The following NTNG1 variants were observed in gnomAD, a reference collection of about 807,000 sequenced individuals.
NTNG1 encodes the protein netrin G1.
NTNG1 carries 16 observed loss-of-function variants against 54.0 expected under a neutral mutation model. The ratio of observed to expected loss-of-function variants is 0.30; its 90% CI spans 0.20 to 0.45. The LOEUF (loss-of-function observed/expected upper bound fraction) is 0.45. Among genes scored for constraint, NTNG1 ranks in the 20% least tolerant of loss-of-function variants. The pLI is 1.00. For synonymous variants in NTNG1, 255 were observed against 263.1 expected, an observed-to-expected ratio of 0.97 and a Z score of 0.30; for missense variants, 530 against 678.7, an observed-to-expected ratio of 0.78 and a Z score of 2.43.
chr1:107,412,497 A>G (rs1319552632), intron 5 of NTNG1, among the ~76,000 whole-genome samples: 1 of 152,222 alleles, frequency 6.6e-6, no homozygotes, highest in Non-Finnish European at 1.5e-5. Context: ...CATTATACCA[A>G]GTGGAAGAGA....
chr1:107,141,093 C>G lies in NTNG1; in HGVS notation c.-573C>G, dbSNP rs72979530. ...GAATTCCCCCTCTGGGTGCGGGCTC[C>G]GAGAGGGGGCGACTTGCAGGAGGCT... On this transcript the variant is annotated 5_prime_UTR_variant, in exon 1 of 8. Transcript: ENST00000370068. The G allele has an allele frequency of 1.3e-5, 2 of 152,414 alleles. No homozygotes were observed. The highest frequency in any genetic ancestry group is 1.3e-4 in the Admixed American group (2 of 15,266). The allele number at this position is 152,414 out of a possible 1,614,324, so 9.4% of individuals were successfully genotyped here.
At chr1:107,465,614 C>G (rs543359656) in intron 7 of NTNG1, among the ~76,000 whole-genome samples, 1 of 152,184 alleles carries the variant, frequency 6.6e-6, no homozygotes, top group South Asian at 2.1e-4. Context: ...TGGGGGTTGT[C>G]CATGAGCAAG....
intron 2 of NTNG1, among the ~76,000 whole-genome samples, chr1:107,266,337 C>T (rs1663735586): frequency 6.6e-6 from 1 of 152,078 alleles, no homozygotes; most frequent in African/African-American, 2.4e-5. Flanking sequence ...GTTCTGCGGG[C>T]TGTACAGGAA....
At chr1:107,234,887 G>C (rs1368221200) in intron 2 of NTNG1, among the ~76,000 whole-genome samples, 1 of 152,132 alleles carries the variant, frequency 6.6e-6, no homozygotes, top group Non-Finnish European at 1.5e-5. Context: ...ATGGAACAAG[G>C]GGACAGGATA....
At chr1:107,322,523 C>A (rs938794252) in intron 2 of NTNG1, among the ~76,000 whole-genome samples, 4 of 152,030 alleles carry the variant, frequency 2.6e-5, no homozygotes, top group Non-Finnish European at 5.9e-5. Flanking sequence ...CTGACAGATT[C>A]CACAATATTT....
chr1:107,420,717 C>G (rs559487380), intron 5 of NTNG1, among the ~76,000 whole-genome samples: 5 of 152,072 alleles, frequency 3.3e-5, no homozygotes, highest in African/African-American at 1.2e-4. Context: ...CACAGAATGT[C>G]ATGGTGAACC....
At chr1:107,462,902 T>G (rs1242191344) in intron 7 of NTNG1, among the ~76,000 whole-genome samples, 1 of 152,186 alleles carries the variant, frequency 6.6e-6, no homozygotes, top group East Asian at 1.9e-4. Flanking sequence ...GTCACTTGAT[T>G]TGCCAACGCC....
At chr1:107,230,234 A>C (rs563676034) in intron 2 of NTNG1, among the ~76,000 whole-genome samples, 11 of 152,176 alleles carry the variant, frequency 7.2e-5, no homozygotes, top group Admixed American at 2.0e-4. Flanking sequence ...ATATCACAAG[A>C]AATTTTTACT....
intron 2 of NTNG1, among the ~76,000 whole-genome samples, chr1:107,203,253 C>G (rs1220805260): frequency 6.6e-6 from 1 of 151,130 alleles, no homozygotes; most frequent in African/African-American, 2.4e-5. Flanking sequence ...GATGCACATT[C>G]CTTAATAGTT....
chr1:107,324,435 A>G lies in NTNG1; in HGVS notation c.400A>G (p.Ile134Val), dbSNP rs778565104. Residue 134 changes from isoleucine (I) to valine (V), a missense_variant, in exon 3 of 8, where the codon ATC (isoleucine) becomes GTC (valine). This residue lies in a region of NTNG1 where 318 missense variants were observed against 465.1 expected (regional missense o/e 0.68). Transcript: ENST00000370068. The part of the protein sequence containing the change: ...KEYPKPLQVN[I>V]TLSWSKTIEL... ...GTATCCCAAGCCTCTCCAGGTTAAC[A>G]TCACTCTGTCTTGGAGCAAAACCAT... is the stretch of plus-strand genomic sequence containing the variant. 7.4e-6 allele frequency: 12 copies of G among 1,613,870 alleles called. No individual in the cohort carries two copies. In the Admixed American group the frequency reaches 2.0e-4, roughly 27 times the overall value.
At chr1:107,168,169 C>A (rs993259144) in intron 2 of NTNG1, among the ~76,000 whole-genome samples, 1 of 151,938 alleles carries the variant, frequency 6.6e-6, no homozygotes, top group Admixed American at 6.6e-5. Flanking sequence ...TCCCCGCATC[C>A]CCCTTATTTC....
intron 6 of NTNG1, among the ~76,000 whole-genome samples, chr1:107,432,096 A>G (rs1402128718): frequency 6.6e-6 from 1 of 152,172 alleles, no homozygotes; most frequent in Non-Finnish European, 1.5e-5. Context: ...GTCAATTAGG[A>G]GAGAAAGTAC....
At chr1:107,454,481 C>A (rs1676814860) in intron 7 of NTNG1, among the ~76,000 whole-genome samples, 2 of 151,954 alleles carry the variant, frequency 1.3e-5, no homozygotes, top group South Asian at 4.1e-4. Context: ...TTAACGGAAA[C>A]AACGGGCTTT....
chr1:107,382,379 A>G (rs924720857), intron 3 of NTNG1, among the ~76,000 whole-genome samples: 5 of 152,222 alleles, frequency 3.3e-5, no homozygotes, highest in Non-Finnish European at 7.3e-5. Context: ...ATCGTATATC[A>G]TTTGACTCTA....
chr1:107,238,890 T>A (rs1661604186), intron 2 of NTNG1, among the ~76,000 whole-genome samples: 1 of 151,864 alleles, frequency 6.6e-6, no homozygotes, highest in Non-Finnish European at 1.5e-5. Context: ...CCTGGCATTG[T>A]CTTGTATTAA....
intron 7 of NTNG1, among the ~76,000 whole-genome samples, chr1:107,472,275 ATCC>A (rs1678032528): frequency 6.6e-6 from 1 of 152,224 alleles, no homozygotes; most frequent in African/African-American, 2.4e-5. Context: ...ACACAAGACC[ATCC>A]ATCATCATAT....
intron 2 of NTNG1, among the ~76,000 whole-genome samples, chr1:107,160,502 A>G (rs1655326486): frequency 6.6e-6 from 1 of 152,106 alleles, no homozygotes. Context: ...AACATCATTT[A>G]TATACTATAT....
chr1:107,211,445 G>A (rs1659593161), intron 2 of NTNG1, among the ~76,000 whole-genome samples: 1 of 152,006 alleles, frequency 6.6e-6, no homozygotes, highest in African/African-American at 2.4e-5. Flanking sequence ...ATACCTATAA[G>A]AGGCAGATTT....
At chr1:107,223,746 G>A (rs974918944) in intron 2 of NTNG1, among the ~76,000 whole-genome samples, 2 of 152,220 alleles carry the variant, frequency 1.3e-5, no homozygotes, top group Non-Finnish European at 1.5e-5. Flanking sequence ...ATTACAGGAC[G>A]GAGAGAAAGG....
Sources: allele counts gnomAD v4.1 joint callset (sites outside exome capture counted in the v4.1 genomes callset), GRCh38; gene constraint gnomAD v4.1.1; regional missense constraint gnomAD v4.1.1; transcripts MANE v1.5; gene names NCBI Gene and HGNC (gene_info 2026-07-23, HGNC 2026-07-21).